The following EPHA5 variants were observed in gnomAD, a reference collection of about 807,000 sequenced individuals.
The protein encoded by EPHA5 is EPH receptor A5, also known as ephrin type-A receptor 5.
A neutral mutation model predicts 105.0 loss-of-function variants in EPHA5; 60 were observed. The observed-to-expected ratio is 0.57, with a 90% CI of 0.46 to 0.71. EPHA5 has a LOEUF of 0.71. Ranked by LOEUF, EPHA5 falls within the 30% of genes least tolerant of loss-of-function variation. EPHA5 has a pLI of 0.00. For missense variants in EPHA5, 1,218 were observed against 1,274.7 expected (o/e 0.96, Z 0.68); for synonymous variants, 513 against 449.1 (o/e 1.14, Z -1.80).
At chr4:65,659,516 C>G (rs1047920471) in intron 1 of EPHA5, among the ~76,000 whole-genome samples, 1 of 151,596 alleles carries the variant, frequency 6.6e-6, no homozygotes. Flanking sequence ...GCTGATCAAG[C>G]GTTTAATGAG....
chr4:65,382,555 A>G (rs934855520), intron 8 of EPHA5, among the ~76,000 whole-genome samples: 4 of 151,876 alleles, frequency 2.6e-5, no homozygotes, highest in Admixed American at 6.6e-5. Context: ...CATTCTCATT[A>G]TTAGTAAACA....
intron 5 of EPHA5, among the ~76,000 whole-genome samples, chr4:65,475,583 CA>C (rs1307757623): frequency 6.6e-6 from 1 of 152,090 alleles, no homozygotes; most frequent in Non-Finnish European, 1.5e-5. Flanking sequence ...AGTGAAACCT[CA>C]GCATGAGGTT....
intron 7 of EPHA5, among the ~76,000 whole-genome samples, chr4:65,408,162 C>T (rs1389860216): frequency 6.6e-6 from 1 of 151,984 alleles, no homozygotes; most frequent in Admixed American, 6.6e-5. Context: ...ATTATATTAA[C>T]TCAGGTGAAA....
rs184286035 is a variant in EPHA5, at chr4:65,472,080, C to G, written c.1402+18297G>C. On this transcript the variant is annotated intron_variant, in intron 5 of 16. Coordinates refer to ENST00000613740, the MANE Select transcript of EPHA5 (RefSeq NM_001281766.3). ...AAGCTAGTTAGTTCCTCCCAAGATA[C>G]AATGGGGATACAGGCATTGGATACA... 2.3e-3 allele frequency among the ~76,000 whole-genome samples: 356 copies of G among 152,268 alleles called. 1 individual carries two copies. Among genetic ancestry groups the G allele is most frequent in the African/African-American group, 7.7e-3 (318 of 41,552 alleles).
At position 65,351,413 on chromosome 4, in the gene EPHA5, ATCATCTTCCAGTACCCGGGAAAG is replaced by A. The variant is rs906814320; in HGVS notation, c.2398_2420del (p.Leu800SerfsTer32). The A allele has an allele frequency of 1.9e-6, 3 of 1,613,704 alleles. No individual in the cohort carries two copies. The highest frequency in any genetic ancestry group is 2.5e-6 in the Non-Finnish European group (3 of 1,179,772). On this transcript the variant is annotated frameshift_variant, in exon 13 of 17. Coordinates refer to ENST00000613740, the MANE Select transcript of EPHA5 (RefSeq NM_001281766.3). LOFTEE classifies it high-confidence loss of function. ...CCCTTGTGGTGTAGGCTGCCTCGGG[ATCATCTTCCAGTACCCGGGAAAG>A]TCCAAAGTCAGACACTTTGCACACA...
intron 3 of EPHA5, among the ~76,000 whole-genome samples, chr4:65,599,348 AACACACAC>A (rs71657190): frequency 2.0e-5 from 3 of 148,560 alleles, no homozygotes; most frequent in Admixed American, 6.7e-5. Flanking sequence ...GGCATTTTAT[AACACACAC>A]ACACACACAC....
intron 2 of EPHA5, among the ~76,000 whole-genome samples, chr4:65,621,203 A>T (rs1047931254): frequency 6.6e-6 from 1 of 152,192 alleles, no homozygotes; most frequent in Non-Finnish European, 1.5e-5. Context: ...AAATAAAAAC[A>T]TTGAGAAGCA....
rs561755267 is a variant in EPHA5, at chr4:65,523,377, C to T, written c.911-27834G>A. Reference sequence around the variant, plus strand: ...CAACAAAGATCAGTACTTTTTCACTCGGTTTGATATTTCATCTCTCTTTGC... The same window carrying T: ...CAACAAAGATCAGTACTTTTTCACTTGGTTTGATATTTCATCTCTCTTTGC... On this transcript the variant is annotated intron_variant, in intron 3 of 16. Transcript: ENST00000613740. Among the ~76,000 whole-genome samples the T allele has an allele frequency of 5.3e-5, 8 of 151,858 alleles. No homozygotes were observed. In the East Asian group the frequency reaches 1.2e-3, roughly 22 times the overall value.
intron 5 of EPHA5, among the ~76,000 whole-genome samples, chr4:65,465,477 AAG>A (rs59766484): frequency 0.3 from 19,981 of 66,150 alleles, 4,002 homozygotes; most frequent in Non-Finnish European, 0.38. Context: ...AAAAGAAAGA[AAG>A]AAAGAAAGAA....
At chr4:65,666,650 C>A (rs1749991395) in intron 1 of EPHA5, among the ~76,000 whole-genome samples, 1 of 152,086 alleles carries the variant, frequency 6.6e-6, no homozygotes, top group African/African-American at 2.4e-5. Flanking sequence ...TACTGTAGAT[C>A]AAATATTCCT....
chr4:65,588,827 A>G (rs116255276), intron 3 of EPHA5, among the ~76,000 whole-genome samples: 25 of 152,220 alleles, frequency 1.6e-4, no homozygotes, highest in Non-Finnish European at 3.4e-4. Flanking sequence ...TACCAGGTTG[A>G]GTGTGCTCCT....
At chr4:65,562,988 A>T (rs1313994103) in intron 3 of EPHA5, among the ~76,000 whole-genome samples, 1 of 151,924 alleles carries the variant, frequency 6.6e-6, no homozygotes, top group Non-Finnish European at 1.5e-5. Flanking sequence ...TAAATAAATA[A>T]ATAAATAAAA....
chr4:65,377,852 T>C (rs1268038693), intron 8 of EPHA5, among the ~76,000 whole-genome samples: 1 of 151,964 alleles, frequency 6.6e-6, no homozygotes, highest in Non-Finnish European at 1.5e-5. Context: ...ACATAAGTTA[T>C]TTAGTGCTTC....
At chr4:65,592,801 T>C (rs980107959) in intron 3 of EPHA5, among the ~76,000 whole-genome samples, 1 of 152,174 alleles carries the variant, frequency 6.6e-6, no homozygotes, top group Non-Finnish European at 1.5e-5. Context: ...CACCATACCA[T>C]GATGTCAGAA....
intron 5 of EPHA5, among the ~76,000 whole-genome samples, chr4:65,480,193 G>C (rs1730219330): frequency 6.6e-6 from 1 of 152,246 alleles, no homozygotes; most frequent in Admixed American, 6.5e-5. Flanking sequence ...TGTAAAACCA[G>C]ATTTTCTCTA....
At position 65,496,232 on chromosome 4, in the gene EPHA5, CT is replaced by C. The variant is rs879829768; in HGVS notation, c.911-690del. Among the ~76,000 whole-genome samples, 1,340 of 151,510 alleles carry C rather than the reference CT, an allele frequency of 8.8e-3. 16 individuals are homozygous for C. Among genetic ancestry groups the C allele is most frequent in the African/African-American group, 0.026 (1,078 of 41,340 alleles). Reference sequence around the variant, plus strand: ...GATTTCTTAAGTTCAAACATTATGTCTTTTTTTTTATTATACTTTAAGTTTT... The same window carrying C: ...GATTTCTTAAGTTCAAACATTATGTCTTTTTTTTATTATACTTTAAGTTTT... On this transcript the variant is annotated intron_variant, in intron 3 of 16. Coordinates refer to ENST00000613740, the MANE Select transcript of EPHA5 (RefSeq NM_001281766.3).
chr4:65,545,685 A>G (rs1226348013), intron 3 of EPHA5, among the ~76,000 whole-genome samples: 1 of 151,988 alleles, frequency 6.6e-6, no homozygotes, highest in African/African-American at 2.4e-5. Flanking sequence ...AAATATTTTG[A>G]ACATTAGGTG....
intron 2 of EPHA5, among the ~76,000 whole-genome samples, chr4:65,615,582 G>T (rs560190047): frequency 6.6e-6 from 1 of 151,774 alleles, no homozygotes; most frequent in Admixed American, 6.6e-5. Flanking sequence ...AAAACTCACA[G>T]TAAAACATAT....
At chr4:65,358,217 T>G (rs1157450881) in intron 11 of EPHA5, among the ~76,000 whole-genome samples, 4 of 151,562 alleles carry the variant, frequency 2.6e-5, no homozygotes, top group African/African-American at 9.7e-5. Flanking sequence ...TATTTTTATT[T>G]GCATTCATAC....
Sources: gnomAD v4.1 joint callset for allele counts (sites outside exome capture counted in the v4.1 genomes callset) on GRCh38, gnomAD v4.1.1 for gene constraint, MANE v1.5 for transcripts, NCBI Gene and HGNC (gene_info 2026-07-23, HGNC 2026-07-21) for gene names.